Variants in ZEB2 observed in about 807,000 individuals in gnomAD.
ZEB2 encodes the protein zinc finger E-box binding homeobox 2.
A neutral mutation model predicts 99.9 loss-of-function variants in ZEB2; 6 were observed. The ratio of observed to expected loss-of-function variants is 0.06; its 90% CI spans 0.03 to 0.12. The LOEUF (loss-of-function observed/expected upper bound fraction) is 0.12. ZEB2 is among the 10% of genes least tolerant of loss of function. The pLI is 1.00. For synonymous variants in ZEB2, 517 were observed against 542.5 expected (o/e 0.95, Z 0.65); for missense variants, 969 against 1,502.8 (o/e 0.64, Z 5.87).
intron 2 of ZEB2, among the ~76,000 whole-genome samples, chr2:144,455,735 T>C (rs1704113249): frequency 6.6e-6 from 1 of 152,088 alleles, no homozygotes; most frequent in African/African-American, 2.4e-5. Flanking sequence ...TTGGTCAAAA[T>C]GTTTCTCTCG....
At position 144,398,712 on chromosome 2, in the gene ZEB2, T is replaced by C. The variant is rs1573715679; in HGVS notation, c.2475A>G (p.Lys825=). 6.2e-7 allele frequency: 1 copy of C among 1,614,160 alleles called. No homozygotes were observed. Among genetic ancestry groups the C allele is most frequent in the Non-Finnish European group, 8.5e-7 (1 of 1,180,020 alleles). ...TTGTGGCTATAATACTTTTGGGTTC[T>C]TTCATTTGTTTTGGTAATGACAAGT... ...PLDLSLPKQM[K]EPKSIIATKN... is the part of the protein sequence containing the mutation. The change falls in exon 8 of 10, where the codon AAA becomes AAG. Residue 825 remains lysine (K), a synonymous_variant. Transcript: ENST00000627532.
intron 2 of ZEB2, among the ~76,000 whole-genome samples, chr2:144,486,409 C>T (rs1704598588): frequency 6.7e-6 from 1 of 150,104 alleles, no homozygotes; most frequent in African/African-American, 2.5e-5. Flanking sequence ...ATGTACTTAA[C>T]TGTATTTTCA....
chr2:144,443,722 T>G (rs1453388074), intron 2 of ZEB2, among the ~76,000 whole-genome samples: 1 of 152,230 alleles, frequency 6.6e-6, no homozygotes, highest in East Asian at 1.9e-4. Flanking sequence ...CAGTATTTGT[T>G]CTCACAGATT....
intron 2 of ZEB2, among the ~76,000 whole-genome samples, chr2:144,502,693 C>T (rs12471396): frequency 0.086 from 13,014 of 152,124 alleles, 703 homozygotes; most frequent in South Asian, 0.22. Flanking sequence ...TTCAACGGGA[C>T]GCTGGAATCT....
chr2:144,423,006 T>C (rs1231593980), intron 4 of ZEB2, among the ~76,000 whole-genome samples: 1 of 152,190 alleles, frequency 6.6e-6, no homozygotes, highest in Non-Finnish European at 1.5e-5. Context: ...GCAGTGACTA[T>C]ATAGAACACA....
At chr2:144,517,805 C>G in intron 1 of ZEB2, 1 of 650,062 alleles carries the variant, frequency 1.5e-6, no homozygotes, top group Non-Finnish European at 2.8e-6. Flanking sequence ...GCGAGGTTTT[C>G]TTTTCGTTCT....
intron 2 of ZEB2, among the ~76,000 whole-genome samples, chr2:144,454,078 T>C (rs1006343662): frequency 4.6e-5 from 7 of 152,236 alleles, no homozygotes; most frequent in African/African-American, 1.4e-4. Flanking sequence ...TGTTTTAAAC[T>C]AGGATTTATA....
intron 2 of ZEB2, among the ~76,000 whole-genome samples, chr2:144,477,769 T>C (rs905504968): frequency 6.6e-6 from 1 of 152,180 alleles, no homozygotes; most frequent in Non-Finnish European, 1.5e-5. Flanking sequence ...GAGACAGATG[T>C]ACAGAACCAT....
chr2:144,477,400 A>T (rs1252097326), intron 2 of ZEB2, among the ~76,000 whole-genome samples: 1 of 152,046 alleles, frequency 6.6e-6, no homozygotes, highest in Non-Finnish European at 1.5e-5. Flanking sequence ...TTTCTGCATA[A>T]TTTTTTTTCT....
At chr2:144,512,214 G>A (rs894672044) in intron 2 of ZEB2, 10 of 1,287,128 alleles carry the variant, frequency 7.8e-6, no homozygotes, top group South Asian at 4.9e-5. Context: ...GCACAAAATA[G>A]TGTCTACCTT....
intron 2 of ZEB2, among the ~76,000 whole-genome samples, chr2:144,467,268 G>A (rs930888293): frequency 2.0e-5 from 3 of 151,996 alleles, no homozygotes; most frequent in Non-Finnish European, 4.4e-5. Context: ...TCTTAAAGAA[G>A]GTAAATTTTG....
chr2:144,512,485 G>T (rs1705057328), intron 2 of ZEB2: 1 of 1,287,156 alleles, frequency 7.8e-7, no homozygotes, highest in Non-Finnish European at 1.0e-6. Context: ...TTTTCTTTAA[G>T]CAAATTAAGA....
At chr2:144,511,877 T>C in intron 2 of ZEB2, 1 of 1,287,248 alleles carries the variant, frequency 7.8e-7, no homozygotes, top group South Asian at 1.2e-5. Flanking sequence ...TTTTTCAACC[T>C]TCACATCTTG....
At chr2:144,486,551 T>C (rs1704600459) in intron 2 of ZEB2, among the ~76,000 whole-genome samples, 2 of 152,172 alleles carry the variant, frequency 1.3e-5, no homozygotes, top group African/African-American at 4.8e-5. Flanking sequence ...AAAACAATTA[T>C]GGAAATGATC....
chr2:144,395,220 A>C (rs1553961234), intron 9 of ZEB2, among the ~76,000 whole-genome samples: 1 of 151,968 alleles, frequency 6.6e-6, no homozygotes. Context: ...GCTGGTCTCA[A>C]ACTCTTGGGC....
At chr2:144,483,789 A>T (rs1456053438) in intron 2 of ZEB2, among the ~76,000 whole-genome samples, 1 of 152,210 alleles carries the variant, frequency 6.6e-6, no homozygotes, top group Non-Finnish European at 1.5e-5. Flanking sequence ...ATCTTTGCTG[A>T]ACTATTCCTG....
intron 2 of ZEB2, among the ~76,000 whole-genome samples, chr2:144,440,683 G>A (rs1703903647): frequency 6.6e-6 from 1 of 151,572 alleles, no homozygotes. Context: ...TACAGGGAGG[G>A]GCAGGAGTGG....
chr2:144,469,108 A>G (rs10198706), intron 2 of ZEB2, among the ~76,000 whole-genome samples: 118,623 of 152,056 alleles, frequency 0.78, 46,670 homozygotes, highest in Non-Finnish European at 0.83. Flanking sequence ...TAAGTAGCTA[A>G]TATTTGTCAA....
intron 2 of ZEB2, among the ~76,000 whole-genome samples, chr2:144,497,981 A>AATATATATTAATATTATATGTTATATAAT (rs35863778): frequency 1.7e-4 from 1 of 6,050 alleles, no homozygotes; most frequent in African/African-American, 1.2e-3. Context: ...TATATTATAT[A>AATATATATTAATATTATATGTTATATAAT]ATATATTAAT....
Sources: gnomAD v4.1 joint callset for allele counts (sites outside exome capture counted in the v4.1 genomes callset) on GRCh38, gnomAD v4.1.1 for gene constraint, MANE v1.5 for transcripts, NCBI Gene and HGNC (gene_info 2026-07-23, HGNC 2026-07-21) for gene names.